The following EZH2 variants were observed in gnomAD, a reference collection of about 807,000 sequenced individuals.
EZH2 encodes the protein enhancer of zeste 2 polycomb repressive complex 2 subunit, also known as histone-lysine N-methyltransferase EZH2.
A neutral mutation model predicts 98.4 loss-of-function variants in EZH2; 18 were observed. The observed-to-expected ratio is 0.18, with a 90% CI of 0.13 to 0.27. The LOEUF (loss-of-function observed/expected upper bound fraction) is 0.27, where lower values mean the gene tolerates loss of function less well. EZH2 is among the 10% of genes least tolerant of loss of function. The pLI is 1.00. For missense variants in EZH2, 470 were observed against 935.1 expected, an observed-to-expected ratio of 0.50 and a Z score of 6.49; for synonymous variants, 338 against 312.3, an observed-to-expected ratio of 1.08 and a Z score of -0.87.
chr7:148,861,207 G>A (rs940713568), intron 1 of EZH2, among the ~76,000 whole-genome samples: 8 of 148,872 alleles, frequency 5.4e-5, no homozygotes, highest in Non-Finnish European at 8.9e-5. Flanking sequence ...ATAAATCCTT[G>A]TTATACTGTA....
At chr7:148,875,482 T>C (rs1050670270) in intron 1 of EZH2, among the ~76,000 whole-genome samples, 5 of 152,098 alleles carry the variant, frequency 3.3e-5, no homozygotes, top group Non-Finnish European at 7.4e-5. Flanking sequence ...AGTACACAAA[T>C]GGCCAATAAG....
rs577580713 is a variant in EZH2 at position 148,850,053 on chromosome 7, C to G, written c.-7-2748G>C. Among the ~76,000 whole-genome samples the G allele has an allele frequency of 8.5e-5, 13 of 152,262 alleles. No individual in the cohort carries two copies. In the East Asian group the frequency reaches 2.5e-3, roughly 29 times the overall value. On this transcript the variant is annotated intron_variant, in intron 1 of 19. Coordinates refer to ENST00000320356, the MANE Select transcript of EZH2 (RefSeq NM_004456.5). ...TTTTTTTTTGAGATGGAGTCTCACT[C>G]TGTCCCCCAAGCTGGAGTGCGGTGG...
chr7:148,870,882 C>G (rs1388685744), intron 1 of EZH2, among the ~76,000 whole-genome samples: 1 of 151,006 alleles, frequency 6.6e-6, no homozygotes. Context: ...TAAGCCAAGA[C>G]TGCGCCACTG....
At position 148,882,340 on chromosome 7, in the gene EZH2, T is replaced by C. The variant is rs369060084; in HGVS notation, c.-8+1824A>G. ...TTTTCTAACTTGTTTTCTTGGAATA[T>C]ATTCACTTTCCACAAAAACGAGAAT... On this transcript the variant is annotated intron_variant, in intron 1 of 19. Transcript: ENST00000320356. Among the ~76,000 whole-genome samples, 4 of 152,228 alleles carry C rather than the reference T, an allele frequency of 2.6e-5. No individual in the cohort carries two copies. In the South Asian group the frequency reaches 8.3e-4, roughly 31 times the overall value.
At chr7:148,819,492 A>T in intron 9 of EZH2, 104 bp downstream of exon 9, 1 of 871,072 alleles carries the variant, frequency 1.1e-6, no homozygotes. Flanking sequence ...CATATGGCCC[A>T]TAACAGCATG....
intron 1 of EZH2, among the ~76,000 whole-genome samples, chr7:148,872,215 A>C (rs1357775212): frequency 6.6e-6 from 1 of 152,252 alleles, no homozygotes; most frequent in Non-Finnish European, 1.5e-5. Context: ...CATTATGCTA[A>C]GCAAAATAAG....
chr7:148,881,125 TC>T lies in EZH2; in HGVS notation c.-8+3038del, dbSNP rs1297472522. Among the ~76,000 whole-genome samples the T allele has an allele frequency of 2.0e-5, 3 of 152,236 alleles. No homozygotes were observed. In the East Asian group the frequency reaches 5.8e-4, roughly 29 times the overall value. On this transcript the variant is annotated intron_variant, in intron 1 of 19. Transcript: ENST00000320356. ...ATCATGATTTACAGAAAATTTGTCA[TC>T]TATACTGATATAAAGACTTCAAGGC...
chr7:148,840,543 A>G (rs1210575434), intron 3 of EZH2, among the ~76,000 whole-genome samples: 1 of 152,192 alleles, frequency 6.6e-6, no homozygotes, highest in Non-Finnish European at 1.5e-5. Context: ...TGTGTTATCT[A>G]AATTTTTACA....
chr7:148,837,691 T>C (rs1315983445), intron 3 of EZH2, among the ~76,000 whole-genome samples: 2 of 151,998 alleles, frequency 1.3e-5, no homozygotes, highest in East Asian at 1.9e-4. Flanking sequence ...AGAAGGGAGA[T>C]TGAAGACGAC....
intron 5 of EZH2, among the ~76,000 whole-genome samples, chr7:148,829,090 T>C (rs1051435465): frequency 1.3e-5 from 2 of 152,186 alleles, no homozygotes; most frequent in African/African-American, 4.8e-5. Context: ...CTACTTTCTG[T>C]AGAATGGCCC....
intron 1 of EZH2, among the ~76,000 whole-genome samples, chr7:148,873,556 C>CT (rs1819751149): frequency 1.9e-5 from 2 of 103,620 alleles, no homozygotes; most frequent in African/African-American, 7.7e-5. Context: ...TCATGCTCTT[C>CT]ATTTTTTTTT....
chr7:148,810,050 T>G, intron 17 of EZH2: 1 of 312,738 alleles, frequency 3.2e-6, no homozygotes, highest in Non-Finnish European at 6.1e-6. Context: ...AGAGGTGAGG[T>G]GAGCAGCAAG....
rs1464179086 is a variant in EZH2 at position 148,807,605 on chromosome 7, A to G, written c.*41T>C. On this transcript the variant is annotated 3_prime_UTR_variant, in exon 20 of 20. Coordinates refer to ENST00000320356, the MANE Select transcript of EZH2 (RefSeq NM_004456.5). ...CACAGTACTCGAGGTTCCTGAAGCT[A>G]AGGCAGCTGTTTCAGAGGAGGGGGG... 1 of 1,486,692 alleles carries G rather than the reference A, an allele frequency of 6.7e-7. No individual in the cohort carries two copies. 92.1% of individuals were successfully genotyped at this position (1,486,692 alleles called of 1,614,324 possible). A position where few individuals can be genotyped will look rare whatever the true frequency, so the allele number is the denominator to read the frequency against.
At chr7:148,861,304 G>C (rs1221961890) in intron 1 of EZH2, among the ~76,000 whole-genome samples, 6 of 150,026 alleles carry the variant, frequency 4.0e-5, no homozygotes, top group African/African-American at 1.5e-4. Context: ...TTGGCTCACT[G>C]CAACCTCCGC....
chr7:148,842,991 T>C (rs1434381850), intron 3 of EZH2, among the ~76,000 whole-genome samples: 1 of 151,934 alleles, frequency 6.6e-6, no homozygotes, highest in Non-Finnish European at 1.5e-5. Context: ...GTGGATCACC[T>C]GAGGTCAGGA....
chr7:148,860,301 C>A (rs1817474079), intron 1 of EZH2, among the ~76,000 whole-genome samples: 1 of 151,072 alleles, frequency 6.6e-6, no homozygotes, highest in African/African-American at 2.4e-5. Flanking sequence ...TGATAAGGGC[C>A]CTGACTGGGT....
chr7:148,869,284 A>G (rs1330184066), intron 1 of EZH2, among the ~76,000 whole-genome samples: 1 of 151,360 alleles, frequency 6.6e-6, no homozygotes, highest in Non-Finnish European at 1.5e-5. Flanking sequence ...ACAGAAACCA[A>G]GTGCTTAGAA....
At chr7:148,866,519 T>TGTATATACATGTATATAC (rs1563063106) in intron 1 of EZH2, among the ~76,000 whole-genome samples, 3 of 70,528 alleles carry the variant, frequency 4.3e-5, no homozygotes, top group Non-Finnish European at 9.6e-5. Context: ...CATATATATG[T>TGTATATACATGTATATAC]GTATATACAT....
At chr7:148,864,117 C>T (rs770407889) in intron 1 of EZH2, among the ~76,000 whole-genome samples, 2 of 152,208 alleles carry the variant, frequency 1.3e-5, no homozygotes, top group Non-Finnish European at 2.9e-5. Context: ...AAAACATTAA[C>T]TTGACCGTTG....
Sources: gnomAD v4.1 joint callset for allele counts (sites outside exome capture counted in the v4.1 genomes callset) on GRCh38, gnomAD v4.1.1 for gene constraint, MANE v1.5 for transcripts, NCBI Gene and HGNC (gene_info 2026-07-23, HGNC 2026-07-21) for gene names.